The following TTBK2 variants were observed in gnomAD, a reference collection of about 807,000 sequenced individuals.
TTBK2 encodes tau-tubulin kinase 2.
Under a neutral mutation model 110.8 loss-of-function variants are expected in TTBK2, and 28 were observed. The observed-to-expected ratio is 0.25, with a 90% CI of 0.19 to 0.35. TTBK2 has a LOEUF of 0.35. TTBK2 is among the 10% of genes least tolerant of loss of function. The pLI is 1.00. For missense variants in TTBK2, 1,369 were observed against 1,500.3 expected, an observed-to-expected ratio of 0.91 and a Z score of 1.45; for synonymous variants, 532 against 527.3, an observed-to-expected ratio of 1.01 and a Z score of -0.12.
chr15:42,816,882 G>A, intron 7 of TTBK2, 150 bp downstream of exon 7: 1 of 316,676 alleles, frequency 3.2e-6, no homozygotes, highest in Non-Finnish European at 5.0e-6. Flanking sequence ...TCGGGCCACT[G>A]CACTCCAGCC....
chr15:42,829,826 C>T (rs1424591506), intron 5 of TTBK2, 112 bp downstream of exon 5: 8 of 1,441,628 alleles, frequency 5.5e-6, no homozygotes, highest in South Asian at 1.2e-5. Context: ...AAAATATTAC[C>T]TTGTATTTTA....
intron 7 of TTBK2, among the ~76,000 whole-genome samples, chr15:42,815,877 T>A (rs1192668137): frequency 8.2e-5 from 9 of 109,400 alleles, no homozygotes; most frequent in Admixed American, 5.8e-4. Context: ...TATATTTAAA[T>A]ATATATATAT....
chr15:42,790,008 G>T (rs1051532601), intron 10 of TTBK2, among the ~76,000 whole-genome samples: 1 of 151,850 alleles, frequency 6.6e-6, no homozygotes, highest in African/African-American at 2.4e-5. Flanking sequence ...TTTCAACAAG[G>T]GCACCAAAAG....
At chr15:42,887,754 C>A (rs187287466) in intron 1 of TTBK2, among the ~76,000 whole-genome samples, 157 of 152,170 alleles carry the variant, frequency 1.0e-3, no homozygotes, top group Middle Eastern at 0.01. Context: ...TTCCTTTGCA[C>A]CCTTCATCAC....
intron 4 of TTBK2, among the ~76,000 whole-genome samples, chr15:42,832,336 T>C (rs965463724): frequency 2.0e-5 from 3 of 152,218 alleles, no homozygotes; most frequent in Admixed American, 6.5e-5. Flanking sequence ...ATTTTATTTA[T>C]GACATTAGTA....
In TTBK2 at chr15:42,810,670, T is replaced by C. The variant is rs1168281135; in HGVS notation, c.766A>G (p.Ser256Gly). 1 of 1,614,046 alleles carries C rather than the reference T, an allele frequency of 6.2e-7. No homozygotes were observed. Among genetic ancestry groups the C allele is most frequent in the Non-Finnish European group, 8.5e-7 (1 of 1,179,960 alleles). Residue 256 changes from serine to glycine, a missense_variant, in exon 9 of 15, where the codon AGC becomes GGC. By Grantham distance (56) the Ser-to-Gly change is moderately conservative. This residue lies in a region of TTBK2 where 138 missense variants were observed against 179.0 expected (regional missense o/e 0.77). Transcript: ENST00000267890. ...LMLKHLPPEF[S>G]IFLDHISSLD... ...GAAGAGATATGGTCTAGAAAGATGC[T>C]GAATTCTGGAGGGAGATGTTTCAAC...
chr15:42,898,554 A>G (rs528437583), intron 1 of TTBK2, among the ~76,000 whole-genome samples: 5 of 152,128 alleles, frequency 3.3e-5, no homozygotes, highest in African/African-American at 4.8e-5. Context: ...GCATTGACAG[A>G]GTCATAATAA....
At chr15:42,851,090 AT>A (rs1893691187) in intron 3 of TTBK2, among the ~76,000 whole-genome samples, 1 of 151,664 alleles carries the variant, frequency 6.6e-6, no homozygotes, top group Non-Finnish European at 1.5e-5. Context: ...AAATAAAAAA[AT>A]AAAAAAATTA....
At chr15:42,823,342 CA>C (rs553078562) in intron 6 of TTBK2, among the ~76,000 whole-genome samples, 3 of 152,102 alleles carry the variant, frequency 2.0e-5, no homozygotes, top group Non-Finnish European at 4.4e-5. Context: ...AATTATGAAT[CA>C]AAGTGTTGCA....
chr15:42,824,853 C>T (rs1892461434), intron 6 of TTBK2, among the ~76,000 whole-genome samples: 1 of 151,738 alleles, frequency 6.6e-6, no homozygotes, highest in South Asian at 2.1e-4. Flanking sequence ...TGCACAGGTG[C>T]CCCAAACCCA....
At chr15:42,776,217 T>C (rs1211090955) in intron 12 of TTBK2, among the ~76,000 whole-genome samples, 2 of 152,192 alleles carry the variant, frequency 1.3e-5, no homozygotes, top group East Asian at 3.8e-4. Flanking sequence ...AAACAGTAAT[T>C]ACCATCTTAG....
chr15:42,801,183 A>T (rs1891180252), intron 9 of TTBK2: 5 of 1,336,098 alleles, frequency 3.7e-6, no homozygotes, highest in Non-Finnish European at 5.3e-6. Context: ...CTTCATATGG[A>T]TACTCATGTT....
chr15:42,752,059 C>A lies in TTBK2; in HGVS notation c.3187G>T (p.Asp1063Tyr). 1 of 1,614,208 alleles carries A rather than the reference C, an allele frequency of 6.2e-7. No homozygotes were observed. ...IPRPVSWVNTDQVNSSTSSQF... is the reference protein window; with the variant it reads ...IPRPVSWVNTYQVNSSTSSQF... ...GACGAAGTTGAGCTATTGACCTGAT[C>A]TGTGTTGACCCATGAAACTGGCCTT... The change falls in exon 14 of 15, where the codon GAT becomes TAT. Residue 1063 changes from aspartate (D) to tyrosine (Y), a missense_variant. Asp to Tyr is a radical substitution (Grantham distance 160, BLOSUM62 -3). Coordinates refer to ENST00000267890, the MANE Select transcript of TTBK2 (RefSeq NM_173500.4).
At chr15:42,813,603 G>C (rs150642202) in intron 7 of TTBK2, among the ~76,000 whole-genome samples, 1 of 152,244 alleles carries the variant, frequency 6.6e-6, no homozygotes, top group East Asian at 1.9e-4. Context: ...CTAGCACTTT[G>C]GAAGGCTGAA....
At chr15:42,890,172 CCT>C (rs1268054224) in intron 1 of TTBK2, among the ~76,000 whole-genome samples, 1 of 152,196 alleles carries the variant, frequency 6.6e-6, no homozygotes, top group Non-Finnish European at 1.5e-5. Flanking sequence ...AGATCCACCC[CCT>C]GCCTGCAAAA....
In TTBK2 at chr15:42,777,118, C is replaced by A; in HGVS notation, c.1322G>T (p.Arg441Leu). The stretch of plus-strand genomic sequence containing the variant: ...AAAGCTGTGAATGGAACGTAACTTT[C>A]GCACCAGTGGAATATCTCTGTCTGG... ...TQPDRDIPLVRKLRSIHSFEL... is the reference protein window; with the variant it reads ...TQPDRDIPLVLKLRSIHSFEL... Residue 441 changes from arginine (R) to leucine (L), a missense_variant, in exon 12 of 15, where the codon CGA becomes CTA. Coordinates refer to ENST00000267890, the MANE Select transcript of TTBK2 (RefSeq NM_173500.4). 6.2e-7 allele frequency: 1 copy of A among 1,614,172 alleles called. No individual in the cohort carries two copies. The highest frequency in any genetic ancestry group is 8.5e-7 in the Non-Finnish European group (1 of 1,180,048).
intron 3 of TTBK2, among the ~76,000 whole-genome samples, chr15:42,846,741 G>T (rs1011373760): frequency 2.6e-5 from 4 of 152,152 alleles, no homozygotes; most frequent in African/African-American, 9.7e-5. Context: ...TCAGGACAGG[G>T]GCAGTCACCA....
intron 1 of TTBK2, among the ~76,000 whole-genome samples, chr15:42,910,511 T>C (rs2030690424): frequency 6.6e-6 from 1 of 152,288 alleles, no homozygotes; most frequent in East Asian, 1.9e-4. Context: ...TGAAACTAAA[T>C]AGTCCTCTGG....
chr15:42,772,466 A>G (rs1023823638), intron 13 of TTBK2, among the ~76,000 whole-genome samples: 25 of 152,262 alleles, frequency 1.6e-4, no homozygotes, highest in Admixed American at 1.5e-3. Context: ...GAGACCACAC[A>G]TGAGCTAGAA....
Sources: allele counts gnomAD v4.1 joint callset (sites outside exome capture counted in the v4.1 genomes callset), GRCh38; gene constraint gnomAD v4.1.1; regional missense constraint gnomAD v4.1.1; transcripts MANE v1.5; gene names NCBI Gene and HGNC (gene_info 2026-07-23, HGNC 2026-07-21).